USP21: variants seen among roughly 807,000 people sequenced by gnomAD.
The protein encoded by USP21 is ubiquitin specific peptidase 21.
USP21 carries 37 observed loss-of-function variants against 70.8 expected under a neutral mutation model. That is an observed-to-expected ratio of 0.52 (90% CI 0.40 to 0.69). The LOEUF (loss-of-function observed/expected upper bound fraction) is 0.69. Ranked by LOEUF, USP21 falls within the 30% of genes least tolerant of loss-of-function variation. The pLI is 0.00. For synonymous variants in USP21, 263 were observed against 283.1 expected (o/e 0.93, Z 0.71); for missense variants, 584 against 740.8 (o/e 0.79, Z 2.46).
rs1442934691 is a variant in USP21 at position 161,162,039 on chromosome 1, C to G, written c.602C>G (p.Ala201Gly). The change falls in exon 4 of 14, where the codon GCT (alanine) becomes GGT (glycine). Residue 201 changes from alanine to glycine, a missense_variant and splice_region_variant. Around this residue, in one of 4 missense-constraint regions of USP21, gnomAD observed 284 missense variants for 281.0 expected, o/e 1.01. Transcript: ENST00000368002. This position sits in a 1 kb window ranked among gnomAD's most constrained non-coding sequence, Gnocchi z 4.1. ...GCCGATTGTACTCTGACCTTCCAGG[C>G]TCATCACACACTCCTTCTGGGCTCT... Reference protein sequence around the residue: ...SEPFYSDDKMAHHTLLLGSGH... With the variant: ...SEPFYSDDKMGHHTLLLGSGH... 1 of 1,614,152 alleles carries G rather than the reference C, an allele frequency of 6.2e-7. No homozygotes were observed. The highest frequency in any genetic ancestry group is 8.5e-7 in the Non-Finnish European group (1 of 1,180,020).
chr1:161,163,022 G>A lies in USP21; in HGVS notation c.997G>A (p.Val333Ile). 1.2e-6 allele frequency: 2 copies of A among 1,613,842 alleles called. No individual in the cohort carries two copies. Among genetic ancestry groups the A allele is most frequent in the Non-Finnish European group, 1.7e-6 (2 of 1,179,854 alleles). Residue 333 changes from valine (V) to isoleucine (I), a missense_variant, in exon 7 of 14, where the codon GTT (valine) becomes ATT (isoleucine). Val to Ile is a conservative substitution (Grantham distance 29, BLOSUM62 3). Around this residue, in one of 4 missense-constraint regions of USP21, gnomAD observed 40 missense variants for 29.3 expected, o/e 1.37. Coordinates refer to ENST00000368002, the MANE Select transcript of USP21 (RefSeq NM_001014443.3). ...RAPPILANGP[V>I]PSPPRRGGAL... is the part of the protein sequence containing the mutation. ...TCCACCGATACTTGCCAATGGTCCA[G>A]TTCCCTCTCCACCCCGCCGAGGAGG...
At position 161,161,239 on chromosome 1, in the gene USP21, T is replaced by C; in HGVS notation, c.599T>C (p.Met200Thr). 8.2e-6 allele frequency: 13 copies of C among 1,587,410 alleles called. No individual in the cohort carries two copies. The highest frequency in any genetic ancestry group is 1.3e-5 in the African/African-American group (1 of 74,572). The change falls in exon 3 of 14, where the codon ATG becomes ACG. Residue 200 changes from methionine (M) to threonine (T), a missense_variant and splice_region_variant. Met to Thr is a moderately conservative substitution (Grantham distance 81). Around this residue, in one of 4 missense-constraint regions of USP21, gnomAD observed 284 missense variants for 281.0 expected, o/e 1.01. Coordinates refer to ENST00000368002, the MANE Select transcript of USP21 (RefSeq NM_001014443.3). This position sits in a 1 kb window ranked among gnomAD's most constrained non-coding sequence, Gnocchi z 4.2. ...GAGCCTTTCTACTCTGATGACAAGA[T>C]GGTGAGGACTTGCCACACACATGGC... ...SSEPFYSDDKMAHHTLLLGSG... is the reference protein window; with the variant it reads ...SSEPFYSDDKTAHHTLLLGSG...
Position 161,159,599 on chromosome 1 carries a change from C to A in USP21, c.-242C>A. The A allele has an allele frequency of 6.6e-6, 1 of 152,064 alleles. No individual in the cohort carries two copies. The highest frequency in any genetic ancestry group is 1.5e-5 in the Non-Finnish European group (1 of 68,102). The allele number at this position is 152,064 out of a possible 1,614,324, so 9.4% of individuals were successfully genotyped here. ...AGCTGCAGCCGGGCCCACGGGGGGG[C>A]TGCACGGGGGTAGTAGGGGGTGGCC... On this transcript the variant is annotated 5_prime_UTR_variant, in exon 1 of 14. It adds an upstream start codon to the 5' untranslated region. Coordinates refer to ENST00000368002, the MANE Select transcript of USP21 (RefSeq NM_001014443.3).
In USP21 at chr1:161,160,849, G is replaced by A. The variant is rs759623543; in HGVS notation, c.209G>A (p.Arg70Gln). 36 of 1,614,104 alleles carry A rather than the reference G, an allele frequency of 2.2e-5. No individual in the cohort carries two copies. The highest frequency in any genetic ancestry group is 1.6e-4 in the Middle Eastern group (1 of 6,084). ...DERLKKLELG[R>Q]GRTSGPRPRG... ...CGGCTCAAGAAACTGGAGCTGGGACGGGGACGGACCTCAGGCCCTCGTCCC... is the reference window on the plus strand; with the variant it reads ...CGGCTCAAGAAACTGGAGCTGGGACAGGGACGGACCTCAGGCCCTCGTCCC... Residue 70 changes from arginine (R) to glutamine (Q), a missense_variant, in exon 3 of 14, where the codon CGG becomes CAG. Arg to Gln is a conservative substitution (Grantham distance 43, BLOSUM62 1). Around this residue, in one of 4 missense-constraint regions of USP21, gnomAD observed 284 missense variants for 281.0 expected, o/e 1.01. Transcript: ENST00000368002.
chr1:161,163,510 C>T (rs1388251453), intron 7 of USP21, 45 bp from the exon 8 acceptor site: 28 of 1,591,304 alleles, frequency 1.8e-5, no homozygotes, highest in Non-Finnish European at 2.3e-5. Context: ...GCCCAGTGTT[C>T]CTGCTGTCTC....
intron 7 of USP21, among the ~76,000 whole-genome samples, 183 bp downstream of exon 7, chr1:161,163,257 A>G (rs534947326): frequency 5.9e-5 from 9 of 152,202 alleles, no homozygotes; most frequent in Admixed American, 5.9e-4. Context: ...AAGGGAGCAG[A>G]TGGAGGCAGA....
Position 161,164,663 on chromosome 1 carries a change from C to G in USP21, c.1384+51C>G, listed in dbSNP as rs769375313. 1.2e-6 allele frequency: 2 copies of G among 1,610,716 alleles called. No individual in the cohort carries two copies. The highest frequency in any genetic ancestry group is 1.3e-5 in the African/African-American group (1 of 74,770). On this transcript the variant is annotated intron_variant, in intron 11 of 13. Transcript: ENST00000368002. This position sits in a 1 kb window ranked among gnomAD's most constrained non-coding sequence, Gnocchi z 4.2. ...TCTCTTAGGATACCTCCCATACATT[C>G]TCTTTCCTCCATGTTTCCAGAGAAT...
At chr1:161,165,278 G>T (rs1303781856) in intron 13 of USP21, 79 bp from the exon 14 acceptor site, 26 of 1,456,268 alleles carry the variant, frequency 1.8e-5, no homozygotes, top group Non-Finnish European at 2.5e-5. Context: ...TTTCCTGGAT[G>T]CTCTGAGGTT....
In USP21 at chr1:161,162,684, G is replaced by A. The variant is rs145716263; in HGVS notation, c.851G>A (p.Arg284Gln). 8.1e-6 allele frequency: 13 copies of A among 1,613,996 alleles called. No individual in the cohort carries two copies. Among genetic ancestry groups the A allele is most frequent in the South Asian group, 3.3e-5 (3 of 91,076 alleles). ...SCEAVNPTRFRAVFQKYVPSF... is the reference protein window; with the variant it reads ...SCEAVNPTRFQAVFQKYVPSF... ...GAAGCTGTGAATCCTACTCGATTCC[G>A]AGCTGTCTTCCAGAAATATGTTCCC... The change falls in exon 6 of 14, where the codon CGA becomes CAA. Residue 284 changes from arginine to glutamine, a missense_variant. Arg to Gln is a conservative substitution (Grantham distance 43). Around this residue, in one of 4 missense-constraint regions of USP21, gnomAD observed 87 missense variants for 162.4 expected, o/e 0.54. Transcript: ENST00000368002. The surrounding 1 kb of genome is among the most constrained non-coding windows in gnomAD (Gnocchi z 4.1).
At position 161,164,832 on chromosome 1, in the gene USP21, T is replaced by G; in HGVS notation, c.1385-3T>G. ...TCCCAAATGCTCCTTAACCAGGGCT[T>G]AGATCTGAATCGATTTTCTGCCTCC... On this transcript the variant is annotated splice_polypyrimidine_tract_variant and splice_region_variant and intron_variant, in intron 11 of 13. Coordinates refer to ENST00000368002, the MANE Select transcript of USP21 (RefSeq NM_001014443.3). The surrounding 1 kb of genome is among the most constrained non-coding windows in gnomAD (Gnocchi z 4.2). The G allele has an allele frequency of 6.2e-7, 1 of 1,613,266 alleles. No homozygotes were observed. The highest frequency in any genetic ancestry group is 8.5e-7 in the Non-Finnish European group (1 of 1,179,666).
At position 161,163,932 on chromosome 1, in the gene USP21, G is replaced by A. The variant is rs748371306; in HGVS notation, c.1169G>A (p.Arg390His). ...CTCAAGTGCCAGGCCTGTGGGTATC[G>A]CTCCACGACCTTCGAGGTTTTTTGT... ...SCLKCQACGYRSTTFEVFCDL... is the reference protein window; with the variant it reads ...SCLKCQACGYHSTTFEVFCDL... The change falls in exon 9 of 14, where the codon CGC (arginine) becomes CAC (histidine). Residue 390 changes from arginine (R) to histidine (H), a missense_variant. Physicochemically the swap from Arg to His is conservative, Grantham distance 29. Coordinates refer to ENST00000368002, the MANE Select transcript of USP21 (RefSeq NM_001014443.3). 7.4e-6 allele frequency: 12 copies of A among 1,614,016 alleles called. No homozygotes were observed. Among genetic ancestry groups the A allele is most frequent in the Admixed American group, 5.0e-5 (3 of 60,004 alleles).
Position 161,165,407 on chromosome 1 carries a change from T to A in USP21, c.1658T>A (p.Leu553Gln), listed in dbSNP as rs775794234. The A allele has an allele frequency of 6.2e-7, 1 of 1,614,188 alleles. No homozygotes were observed. The highest frequency in any genetic ancestry group is 1.1e-5 in the South Asian group (1 of 91,078). Residue 553 changes from leucine to glutamine, a missense_variant, in exon 14 of 14, where the codon CTG becomes CAG. Physicochemically the swap from Leu to Gln is moderately radical, Grantham distance 113. Coordinates refer to ENST00000368002, the MANE Select transcript of USP21 (RefSeq NM_001014443.3). ...GTGGCATCCAGCGAGGGCTACGTGC[T>A]GTTCTACCAACTGATGCAGGAGCCA... Reference protein sequence around the residue: ...NQVASSEGYVLFYQLMQEPPR... With the variant: ...NQVASSEGYVQFYQLMQEPPR...
intron 8 of USP21, 74 bp from the exon 9 acceptor site, chr1:161,163,804 G>A: frequency 6.9e-7 from 1 of 1,459,350 alleles, no homozygotes; most frequent in Non-Finnish European, 9.6e-7. Context: ...GGGGCAGGAA[G>A]AGATGGAAAT....
At chr1:161,163,800 G>A (rs1006828485) in intron 8 of USP21, 78 bp from the exon 9 acceptor site, 6 of 1,434,728 alleles carry the variant, frequency 4.2e-6, no homozygotes, top group Non-Finnish European at 5.9e-6. Context: ...CAAAGGGGCA[G>A]GAAGAGATGG....
Position 161,164,576 on chromosome 1 carries a change from T to C in USP21, c.1348T>C (p.Leu450=). 6.2e-7 allele frequency: 1 copy of C among 1,614,196 alleles called. No individual in the cohort carries two copies. ...GCAGAAAACTCGAAGTACCAAAAAG[T>C]TGACAGTACAAAGATTCCCTCGAAT... ...CRQKTRSTKK[L]TVQRFPRILV... Residue 450 remains leucine, a synonymous_variant, in exon 11 of 14, where the codon TTG becomes CTG. Coordinates refer to ENST00000368002, the MANE Select transcript of USP21 (RefSeq NM_001014443.3). The surrounding 1 kb of genome is among the most constrained non-coding windows in gnomAD (Gnocchi z 4.2).
rs532076971 is a variant in USP21 at position 161,161,909 on chromosome 1, G to A, written c.601-129G>A. 5.7e-6 allele frequency: 5 copies of A among 880,518 alleles called. No homozygotes were observed. The South Asian group carries it at 7.0e-5, about 12-fold the overall frequency. The allele number at this position is 880,518 out of a possible 1,614,324, so 54.5% of individuals were successfully genotyped here. A position where few individuals can be genotyped will look rare whatever the true frequency, so the allele number is the denominator to read the frequency against. On this transcript the variant is annotated intron_variant, in intron 3 of 13. Transcript: ENST00000368002. The surrounding 1 kb of genome is among the most constrained non-coding windows in gnomAD (Gnocchi z 4.2). ...GTAGGGAGACTAGAATACCTAGTGA[G>A]GGGAATAGGGTAGAGTTTGGGGATG...
intron 2 of USP21, 51 bp downstream of exon 2, chr1:161,160,557 T>C (rs1219213353): frequency 2.0e-6 from 3 of 1,498,552 alleles, no homozygotes; most frequent in Non-Finnish European, 2.7e-6. Flanking sequence ...CAGGGTTCAG[T>C]ACAGCAGCCT....
rs750456510 is a variant in USP21, at chr1:161,160,944, C to G, written c.304C>G (p.Leu102Val). 11 of 1,614,146 alleles carry G rather than the reference C, an allele frequency of 6.8e-6. No homozygotes were observed. Among genetic ancestry groups the G allele is most frequent in the Non-Finnish European group, 6.8e-6 (8 of 1,180,054 alleles). The change falls in exon 3 of 14, where the codon CTC (leucine) becomes GTC (valine). Residue 102 changes from leucine (L) to valine (V), a missense_variant. Coordinates refer to ENST00000368002, the MANE Select transcript of USP21 (RefSeq NM_001014443.3). ...GSPPPTVALP[L>V]PSRTNLARSK... ...ACCACCCCCAACAGTGGCTTTGCCT[C>G]TCCCATCTCGGACCAACTTAGCCCG...
At chr1:161,159,950 T>TCC (rs1657769714) in intron 1 of USP21, among the ~76,000 whole-genome samples, 6 of 151,824 alleles carry the variant, frequency 4.0e-5, no homozygotes, top group South Asian at 2.1e-4. Flanking sequence ...GGTCAAGGAG[T>TCC]TGTTCGTCCT....
Sources: allele counts gnomAD v4.1 joint callset (sites outside exome capture counted in the v4.1 genomes callset), GRCh38; gene constraint gnomAD v4.1.1; regional missense constraint gnomAD v4.1.1; non-coding constraint Gnocchi (gnomAD v3.1); transcripts MANE v1.5; gene names NCBI Gene and HGNC (gene_info 2026-07-23, HGNC 2026-07-21).